Variants in NELL1 observed in about 807,000 individuals in gnomAD.
NELL1 encodes protein kinase C-binding protein NELL1.
In NELL1, 76 loss-of-function variants were observed where a neutral mutation model predicts 107.4. That is an observed-to-expected ratio of 0.71 (90% CI 0.59 to 0.86). NELL1 has a LOEUF of 0.86. Ranked by LOEUF, NELL1 falls within the 40% of genes least tolerant of loss-of-function variation. NELL1 has a pLI of 0.00. For missense variants in NELL1, 1,024 were observed against 1,005.5 expected (o/e 1.02, Z -0.25); for synonymous variants, 353 against 341.2 (o/e 1.03, Z -0.38).
intron 2 of NELL1, among the ~76,000 whole-genome samples, chr11:20,723,347 C>G (rs1396616146): frequency 6.6e-6 from 1 of 152,202 alleles, no homozygotes; most frequent in Non-Finnish European, 1.5e-5. Context: ...TCCCAACATA[C>G]AGTAGGGGTG....
At position 21,573,207 on chromosome 11, in the gene NELL1, C is replaced by T; in HGVS notation, c.2180C>T (p.Pro727Leu). The T allele has an allele frequency of 6.2e-7, 1 of 1,611,796 alleles. No individual in the cohort carries two copies. Among genetic ancestry groups the T allele is most frequent in the Non-Finnish European group, 8.5e-7 (1 of 1,178,624 alleles). Residue 727 changes from proline (P) to leucine (L), a missense_variant, in exon 19 of 20, where the codon CCA (proline) becomes CTA (leucine). By Grantham distance (98) the Pro-to-Leu change is moderately conservative. Coordinates refer to ENST00000357134, the MANE Select transcript of NELL1 (RefSeq NM_006157.5). ...CAGGAAGGAGAGGTAGATTGCTGGC[C>T]ACTCACTTGCCCCAACTTGAGCTGT... ...RCLEGEVDCW[P>L]LTCPNLSCEY...
intron 15 of NELL1, among the ~76,000 whole-genome samples, chr11:21,456,586 T>C (rs1460627434): frequency 6.6e-5 from 10 of 152,156 alleles, no homozygotes; most frequent in Non-Finnish European, 1.5e-5. Context: ...ATTTTGATAA[T>C]AGTTTCATTA....
chr11:21,341,766 A>C (rs922502013), intron 14 of NELL1, among the ~76,000 whole-genome samples: 122 of 152,354 alleles, frequency 8.0e-4, no homozygotes, highest in African/African-American at 2.8e-3. Flanking sequence ...TACTGGTTTC[A>C]AAGAAAGAGC....
At chr11:21,052,440 A>G (rs1853515729) in intron 12 of NELL1, among the ~76,000 whole-genome samples, 1 of 152,148 alleles carries the variant, frequency 6.6e-6, no homozygotes, top group African/African-American at 2.4e-5. Flanking sequence ...CTTGGACCAC[A>G]TGGTAGCAAC....
At chr11:21,334,297 A>G (rs917134377) in intron 14 of NELL1, among the ~76,000 whole-genome samples, 2 of 151,962 alleles carry the variant, frequency 1.3e-5, no homozygotes, top group African/African-American at 4.8e-5. Context: ...AGACAGTAAT[A>G]TTTTAGGCTT....
intron 3 of NELL1, among the ~76,000 whole-genome samples, chr11:20,815,265 G>GTAGAGACAGGGTTTTGTAT (rs1857599501): frequency 6.6e-6 from 1 of 151,686 alleles, no homozygotes; most frequent in African/African-American, 2.4e-5. Context: ...GGGTTTTGTA[G>GTAGAGACAGGGTTTTGTAT]TTTTAGTAGA....
At chr11:21,150,865 G>A (rs1856099127) in intron 13 of NELL1, among the ~76,000 whole-genome samples, 1 of 152,156 alleles carries the variant, frequency 6.6e-6, no homozygotes, top group Admixed American at 6.5e-5. Flanking sequence ...GGCTGTACAG[G>A]AAGCATGGTG....
At chr11:21,570,665 G>T in intron 17 of NELL1, 99 bp from the exon 18 acceptor site, 1 of 1,079,726 alleles carries the variant, frequency 9.3e-7, no homozygotes, top group South Asian at 1.5e-5. Context: ...ATGAGAGGTG[G>T]CCAGGGGGTG....
chr11:21,530,930 C>T (rs1855975946), intron 15 of NELL1, among the ~76,000 whole-genome samples: 1 of 152,052 alleles, frequency 6.6e-6, no homozygotes, highest in Non-Finnish European at 1.5e-5. Context: ...GTATTGGGCA[C>T]TTTCAAATTG....
At chr11:20,683,908 A>G (rs771119189) in intron 2 of NELL1, among the ~76,000 whole-genome samples, 1 of 151,040 alleles carries the variant, frequency 6.6e-6, no homozygotes, top group Non-Finnish European at 1.5e-5. Flanking sequence ...ATTTTGAGCT[A>G]TTTTATTATG....
At chr11:21,109,585 G>A (rs572788397) in intron 12 of NELL1, among the ~76,000 whole-genome samples, 14 of 152,246 alleles carry the variant, frequency 9.2e-5, no homozygotes, top group Admixed American at 2.0e-4. Flanking sequence ...TTTCAAGTCT[G>A]TGGTTAGCAT....
chr11:21,156,847 C>T (rs923690129), intron 13 of NELL1, among the ~76,000 whole-genome samples: 2 of 151,500 alleles, frequency 1.3e-5, no homozygotes, highest in Admixed American at 1.3e-4. Context: ...AACCCCAGCA[C>T]TTTGAGAGGC....
intron 12 of NELL1, among the ~76,000 whole-genome samples, chr11:21,017,565 G>T (rs1184884563): frequency 6.6e-6 from 1 of 152,002 alleles, no homozygotes; most frequent in African/African-American, 2.4e-5. Context: ...TTAATGCAGA[G>T]AATTATGGTA....
At chr11:20,709,139 T>C (rs1424459993) in intron 2 of NELL1, among the ~76,000 whole-genome samples, 5 of 152,066 alleles carry the variant, frequency 3.3e-5, no homozygotes, top group Admixed American at 3.3e-4. Flanking sequence ...GAAGAGTTTT[T>C]CTGATGTTAT....
At chr11:21,396,238 G>A (rs1851977662) in intron 15 of NELL1, among the ~76,000 whole-genome samples, 1 of 151,450 alleles carries the variant, frequency 6.6e-6, no homozygotes, top group Admixed American at 6.6e-5. Context: ...AGCTTTGAAG[G>A]CAAGCATTTT....
intron 13 of NELL1, among the ~76,000 whole-genome samples, chr11:21,149,645 C>A (rs1856068879): frequency 6.6e-6 from 1 of 152,156 alleles, no homozygotes; most frequent in Non-Finnish European, 1.5e-5. Flanking sequence ...ACAGCCAAAC[C>A]ATATCAAACA....
chr11:21,197,560 T>C (rs1857182441), intron 13 of NELL1, among the ~76,000 whole-genome samples: 1 of 152,188 alleles, frequency 6.6e-6, no homozygotes, highest in Admixed American at 6.6e-5. Context: ...AACAGATGCA[T>C]TGAAGTTCCC....
intron 16 of NELL1, among the ~76,000 whole-genome samples, chr11:21,545,662 T>A (rs928799049): frequency 8.0e-6 from 1 of 124,782 alleles, no homozygotes; most frequent in Admixed American, 7.7e-5. Context: ...GTTTTAAATG[T>A]CTTTTTTCTT....
chr11:20,750,524 A>T (rs1449621543), intron 2 of NELL1, among the ~76,000 whole-genome samples: 1 of 151,768 alleles, frequency 6.6e-6, no homozygotes, highest in Non-Finnish European at 1.5e-5. Context: ...TCTTGTAGAA[A>T]TTTATGGCTT....
Sources: gnomAD v4.1 joint callset for allele counts (sites outside exome capture counted in the v4.1 genomes callset) on GRCh38, gnomAD v4.1.1 for gene constraint, MANE v1.5 for transcripts, NCBI Gene and HGNC (gene_info 2026-07-23, HGNC 2026-07-21) for gene names.